Variants in PAPSS2 observed in about 807,000 individuals in gnomAD.
The protein encoded by PAPSS2 is 3'-phosphoadenosine 5'-phosphosulfate synthase 2.
A neutral mutation model predicts 66.5 loss-of-function variants in PAPSS2; 61 were observed. The observed-to-expected ratio is 0.92, with a 90% CI of 0.75 to 1.14. The LOEUF (loss-of-function observed/expected upper bound fraction) is 1.14, where lower values mean the gene tolerates loss of function less well. Among genes scored for constraint, PAPSS2 ranks in the 50% most tolerant of loss-of-function variants. PAPSS2 has a pLI of 0.00. For missense variants in PAPSS2, 708 were observed against 789.6 expected (o/e 0.90, Z 1.24); for synonymous variants, 289 against 287.5 (o/e 1.01, Z -0.05).
Position 87,741,197 on chromosome 10 carries a change from CAATT to C in PAPSS2, c.1087-34_1087-31del, listed in dbSNP as rs1328395237. The C allele has an allele frequency of 3.1e-6, 5 of 1,608,054 alleles. No homozygotes were observed. In the Admixed American group the frequency reaches 6.7e-5, roughly 21 times the overall value. On this transcript the variant is annotated intron_variant, in intron 9 of 12. Transcript: ENST00000456849. Reference sequence around the variant, plus strand: ...AACTTTTCAGATAAAATAGAAATCACAATTAATCATTAGCAATCATAACAATGTT... The same window carrying C: ...AACTTTTCAGATAAAATAGAAATCACAATCATTAGCAATCATAACAATGTT...
intron 9 of PAPSS2, among the ~76,000 whole-genome samples, chr10:87,732,819 CTTTG>C (rs1853746051): frequency 6.6e-6 from 1 of 152,080 alleles, no homozygotes. Flanking sequence ...TGACTTGTGT[CTTTG>C]ACAATATTTT....
At position 87,727,449 on chromosome 10, in the gene PAPSS2, G is replaced by A. The variant is rs141138435; in HGVS notation, c.1046G>A (p.Arg349His). Reference sequence around the variant, plus strand: ...CACAGAAAAGAGGAACGCTGTTCCCGTGTTTGGGGGACAACATGTACAAAA... The same window carrying A: ...CACAGAAAAGAGGAACGCTGTTCCCATGTTTGGGGGACAACATGTACAAAA... ...YEHRKEERCS[R>H]VWGTTCTKHP... Residue 349 changes from arginine to histidine, a missense_variant, in exon 9 of 13, where the codon CGT becomes CAT. Physicochemically the swap from Arg to His is conservative, Grantham distance 29. Coordinates refer to ENST00000456849, the MANE Select transcript of PAPSS2 (RefSeq NM_001015880.2). 8.7e-6 allele frequency: 14 copies of A among 1,613,902 alleles called. No homozygotes were observed. The highest frequency in any genetic ancestry group is 4.5e-5 in the East Asian group (2 of 44,832).
intron 1 of PAPSS2, among the ~76,000 whole-genome samples, chr10:87,686,528 A>C (rs1853091477): frequency 6.6e-6 from 1 of 152,030 alleles, no homozygotes; most frequent in Admixed American, 6.6e-5. Context: ...ACTGTATCCT[A>C]TTCAGCCACC....
rs755679218 is a variant in PAPSS2 at position 87,743,442 on chromosome 10, G to A, written c.1292G>A (p.Arg431His). 27 of 1,613,962 alleles carry A rather than the reference G, an allele frequency of 1.7e-5. 1 individual carries two copies. The highest frequency in any genetic ancestry group is 1.6e-4 in the Middle Eastern group (1 of 6,084). The change falls in exon 11 of 13, where the codon CGC (arginine) becomes CAC (histidine). Residue 431 changes from arginine to histidine, a missense_variant. Coordinates refer to ENST00000456849, the MANE Select transcript of PAPSS2 (RefSeq NM_001015880.2). Reference protein sequence around the residue: ...NGHALLMQDTRRRLLERGYKH... With the variant: ...NGHALLMQDTHRRLLERGYKH... ...CATGCCCTGTTGATGCAGGACACTC[G>A]CCGCAGGCTCCTAGAGAGGGGCTAC... is the stretch of plus-strand genomic sequence containing the variant.
chr10:87,695,286 T>C (rs1439271859), intron 1 of PAPSS2, among the ~76,000 whole-genome samples: 1 of 152,206 alleles, frequency 6.6e-6, no homozygotes, highest in South Asian at 2.1e-4. Flanking sequence ...GGCCTCTTCA[T>C]AAGAGCACTA....
At chr10:87,695,259 G>T (rs1853218084) in intron 1 of PAPSS2, among the ~76,000 whole-genome samples, 1 of 152,198 alleles carries the variant, frequency 6.6e-6, no homozygotes, top group Admixed American at 6.5e-5. Context: ...AGGAAAAACG[G>T]CCAGGTGGCT....
intron 1 of PAPSS2, among the ~76,000 whole-genome samples, chr10:87,668,205 A>T (rs1015023202): frequency 6.6e-6 from 1 of 152,238 alleles, no homozygotes; most frequent in Non-Finnish European, 1.5e-5. Context: ...TAGTGTTAAA[A>T]ACCTGAATTA....
intron 1 of PAPSS2, among the ~76,000 whole-genome samples, chr10:87,667,702 A>G (rs1340668739): frequency 6.6e-6 from 1 of 152,228 alleles, no homozygotes; most frequent in Non-Finnish European, 1.5e-5. Flanking sequence ...CACGACTGTA[A>G]TATAAACATG....
In PAPSS2 at chr10:87,713,119, G is replaced by A. The variant is rs1371496288; in HGVS notation, c.190G>A (p.Glu64Lys). ...GKTTISFALE[E>K]YLVSHAIPCY... Reference sequence around the variant, plus strand: ...AACAACGATAAGTTTTGCCCTGGAGGAGTACCTTGTCTCCCATGCCATCCC... The same window carrying A: ...AACAACGATAAGTTTTGCCCTGGAGAAGTACCTTGTCTCCCATGCCATCCC... Residue 64 changes from glutamate to lysine, a missense_variant, in exon 3 of 13, where the codon GAG becomes AAG. Physicochemically the swap from Glu to Lys is moderately conservative, Grantham distance 56 (BLOSUM62 1). Coordinates refer to ENST00000456849, the MANE Select transcript of PAPSS2 (RefSeq NM_001015880.2). The A allele has an allele frequency of 6.2e-7, 1 of 1,613,302 alleles. No individual in the cohort carries two copies. The highest frequency in any genetic ancestry group is 8.5e-7 in the Non-Finnish European group (1 of 1,179,692).
At chr10:87,661,141 TAA>T (rs10595979) in intron 1 of PAPSS2, 121,929 of 366,432 alleles carry the variant, frequency 0.33, 20,625 homozygotes, top group Non-Finnish European at 0.4. Flanking sequence ...GGGAGAGGTT[TAA>T]AAAAAAAAAC....
intron 1 of PAPSS2, among the ~76,000 whole-genome samples, chr10:87,662,824 C>A (rs907063759): frequency 6.6e-6 from 1 of 152,088 alleles, no homozygotes; most frequent in African/African-American, 2.4e-5. Context: ...AAAACCACAG[C>A]GCTCTCCATA....
intron 2 of PAPSS2, among the ~76,000 whole-genome samples, chr10:87,711,108 A>T (rs527478641): frequency 6.6e-6 from 1 of 152,352 alleles, no homozygotes; most frequent in African/African-American, 2.4e-5. Context: ...AGACCAGAAG[A>T]AACAAAATAC....
intron 1 of PAPSS2, among the ~76,000 whole-genome samples, chr10:87,672,752 T>A (rs1852894782): frequency 6.6e-6 from 1 of 152,212 alleles, no homozygotes; most frequent in Admixed American, 6.5e-5. Flanking sequence ...GACCAGGGGT[T>A]AGCAAATCAT....
chr10:87,686,840 G>A (rs190160560), intron 1 of PAPSS2, among the ~76,000 whole-genome samples: 1 of 152,204 alleles, frequency 6.6e-6, no homozygotes, highest in East Asian at 1.9e-4. Flanking sequence ...AAAATAGCAC[G>A]AGGAACAGTG....
At chr10:87,725,741 G>A (rs1420161760) in intron 8 of PAPSS2, among the ~76,000 whole-genome samples, 2 of 152,052 alleles carry the variant, frequency 1.3e-5, no homozygotes, top group Non-Finnish European at 2.9e-5. Flanking sequence ...TATCACCCAG[G>A]CTGGAGTACA....
chr10:87,703,738 T>G, intron 1 of PAPSS2: 1 of 518,348 alleles, frequency 1.9e-6, no homozygotes, highest in South Asian at 1.4e-5. Context: ...CTACAGAGAG[T>G]TTTTCTGGGC....
intron 7 of PAPSS2, among the ~76,000 whole-genome samples, chr10:87,717,313 T>C (rs1427874926): frequency 6.6e-6 from 1 of 152,186 alleles, no homozygotes; most frequent in Non-Finnish European, 1.5e-5. Flanking sequence ...GGGGCCTCAT[T>C]ACAGACAACA....
intron 1 of PAPSS2, among the ~76,000 whole-genome samples, chr10:87,689,994 A>G (rs1043500397): frequency 3.9e-5 from 6 of 152,226 alleles, no homozygotes; most frequent in Admixed American, 3.3e-4. Flanking sequence ...CATCGCTGGT[A>G]GGAGTATAGA....
intron 1 of PAPSS2, among the ~76,000 whole-genome samples, chr10:87,671,143 A>T (rs183529505): frequency 4.9e-4 from 75 of 152,298 alleles, no homozygotes; most frequent in African/African-American, 1.6e-3. Flanking sequence ...TAAGTGGCAG[A>T]GCTGGAACAC....
Sources: allele counts gnomAD v4.1 joint callset (sites outside exome capture counted in the v4.1 genomes callset), GRCh38; gene constraint gnomAD v4.1.1; transcripts MANE v1.5; gene names NCBI Gene and HGNC (gene_info 2026-07-23, HGNC 2026-07-21).